The following HUWE1 variants were observed in gnomAD, a reference collection of about 807,000 sequenced individuals.
HUWE1 encodes HECT, UBA and WWE domain containing E3 ubiquitin protein ligase 1, also known as E3 ubiquitin-protein ligase HUWE1.
HUWE1 carries 18 observed loss-of-function variants against 299.4 expected under a neutral mutation model. That is an observed-to-expected ratio of 0.06 (90% CI 0.04 to 0.09). The LOEUF (loss-of-function observed/expected upper bound fraction) is 0.09. Among genes scored for constraint, HUWE1 ranks in the 10% least tolerant of loss-of-function variants. The pLI is 1.00. For missense variants in HUWE1, 1,832 were observed against 3,462.3 expected, an observed-to-expected ratio of 0.53 and a Z score of 11.82; for synonymous variants, 1,317 against 1,286.1, an observed-to-expected ratio of 1.02 and a Z score of -0.51.
At chrX:53,536,048 G>C (rs782148161) in intron 80 of HUWE1, 99 bp downstream of exon 80, 405 of 493,128 alleles carry the variant, frequency 8.2e-4, no homozygotes, top group Non-Finnish European at 1.2e-3. Context: ...TGCTTCCTTA[G>C]AACTATGAGA....
rs782276625 is a variant in HUWE1 at position 53,586,882 on chromosome X, C to A, written c.4642G>T (p.Val1548Phe). Reference sequence around the variant, plus strand: ...ACATTAAGGATGCCACTTGATTCAACCACCCAAGCACAAGGTAGCTTCAAC... The same window carrying A: ...ACATTAAGGATGCCACTTGATTCAAACACCCAAGCACAAGGTAGCTTCAAC... The part of the protein sequence containing the change: ...EELKLPCAWV[V>F]ESSGILNVLI... Residue 1548 changes from valine (V) to phenylalanine (F), a missense_variant, in exon 38 of 84, where the codon GTT becomes TTT. Physicochemically the swap from Val to Phe is conservative, Grantham distance 50. This residue lies in a region of HUWE1 where 658 missense variants were observed against 1,282.6 expected (regional missense o/e 0.51). Coordinates refer to ENST00000262854, the MANE Select transcript of HUWE1 (RefSeq NM_031407.7). The A allele has an allele frequency of 8.3e-7, 1 of 1,211,209 alleles. No homozygotes were observed. The highest frequency in any genetic ancestry group is 1.1e-6 in the Non-Finnish European group (1 of 895,105).
intron 37 of HUWE1, 66 bp downstream of exon 37, chrX:53,588,316 T>TA: frequency 9.1e-7 from 1 of 1,095,953 alleles, no homozygotes; most frequent in Non-Finnish European, 1.2e-6. Flanking sequence ...CAATGCCTCA[T>TA]ATATGTTAAG....
intron 29 of HUWE1, among the ~76,000 whole-genome samples, chrX:53,598,164 A>C (rs1331277123): frequency 3.6e-5 from 4 of 111,895 alleles, no homozygotes; most frequent in Non-Finnish European, 5.6e-5. Flanking sequence ...ATGAGGAAGA[A>C]GATGTAGAAG....
chrX:53,534,808 C>T (rs1031576382), intron 81 of HUWE1, 111 bp from the exon 82 acceptor site: 14 of 635,915 alleles, frequency 2.2e-5, no homozygotes, highest in South Asian at 5.4e-5. Flanking sequence ...TACAGGCATG[C>T]ACCACCACAA....
chrX:53,602,580 C>T lies in HUWE1; in HGVS notation c.2955G>A (p.Gln985=). The T allele has an allele frequency of 8.5e-7, 1 of 1,176,124 alleles. No individual in the cohort carries two copies. Among genetic ancestry groups the T allele is most frequent in the East Asian group, 3.0e-5 (1 of 33,667 alleles). ...TAGAGTTACCTGATCTTTTTCCGCCCTGGGTCGTACCTGCCTTCTCATCCT... is the reference window on the plus strand; with the variant it reads ...TAGAGTTACCTGATCTTTTTCCGCCTTGGGTCGTACCTGCCTTCTCATCCT... ...VPKDEKAGTT[Q]GGKRSDGEQD... is the part of the protein sequence containing the mutation. The change falls in exon 28 of 84, where the codon CAG becomes CAA. Residue 985 remains glutamine (Q), a synonymous_variant. Coordinates refer to ENST00000262854, the MANE Select transcript of HUWE1 (RefSeq NM_031407.7).
At position 53,575,593 on chromosome X, in the gene HUWE1, A is replaced by G. The variant is rs782635343; in HGVS notation, c.6030+50T>C. On this transcript the variant is annotated intron_variant, in intron 45 of 83. Coordinates refer to ENST00000262854, the MANE Select transcript of HUWE1 (RefSeq NM_031407.7). ...ATAGCCCTAAATACTGAGACCACAC[A>G]GGCATTGAAAAATGAGAAGAAAGAT... 3.5e-6 allele frequency: 4 copies of G among 1,135,221 alleles called. No individual in the cohort carries two copies. In the East Asian group the frequency reaches 1.2e-4, roughly 34 times the overall value. The allele number at this position is 1,135,221 out of a possible 1,213,427, so 93.6% of individuals were successfully genotyped here.
chrX:53,640,462 G>A (rs1235767173), intron 7 of HUWE1, among the ~76,000 whole-genome samples: 8 of 111,868 alleles, frequency 7.2e-5, no homozygotes, highest in Non-Finnish European at 7.5e-5. Context: ...ATTTTAATGA[G>A]GGATATTAGT....
At chrX:53,625,470 T>C (rs2066423621) in intron 17 of HUWE1, 1 of 347,018 alleles carries the variant, frequency 2.9e-6, no homozygotes, top group East Asian at 4.7e-5. Context: ...ATACTAAAAG[T>C]CTAAAGTAAA....
intron 7 of HUWE1, among the ~76,000 whole-genome samples, chrX:53,636,762 C>T (rs782060613): frequency 3.6e-5 from 4 of 111,727 alleles, no homozygotes; most frequent in South Asian, 7.4e-4. Flanking sequence ...CAAATAGTCA[C>T]GTATTAAAGA....
chrX:53,565,094 C>T lies in HUWE1; in HGVS notation c.6853G>A (p.Asp2285Asn). ...SEQDAQGASQ[D>N]SSSNQQDPGE... ...GGGTCCTGCTGGTTGCTACTGGAAT[C>T]TTGAGAGGCTCCTTGGGCATCCTGC... Residue 2285 changes from aspartate (D) to asparagine (N), a missense_variant, in exon 50 of 84, where the codon GAT becomes AAT. Asp to Asn is a conservative substitution (Grantham distance 23, BLOSUM62 1). Transcript: ENST00000262854. 1 of 1,211,774 alleles carries T rather than the reference C, an allele frequency of 8.3e-7. No homozygotes were observed. Among genetic ancestry groups the T allele is most frequent in the Non-Finnish European group, 1.1e-6 (1 of 895,444 alleles).
chrX:53,543,774 A>G, intron 73 of HUWE1, 67 bp downstream of exon 73: 1 of 1,206,050 alleles, frequency 8.3e-7, no homozygotes, highest in Admixed American at 2.2e-5. Flanking sequence ...ATGAAACCCC[A>G]CTGATGACAT....
chrX:53,633,410 T>C (rs905447371), intron 8 of HUWE1, among the ~76,000 whole-genome samples: 7 of 112,595 alleles, frequency 6.2e-5, no homozygotes, highest in Admixed American at 5.6e-4. Context: ...ATTTATGTAG[T>C]TTTGATTATT....
chrX:53,533,187 C>T lies in HUWE1; in HGVS notation c.*122G>A, dbSNP rs782203185. 1.8e-4 allele frequency: 92 copies of T among 510,606 alleles called. No individual in the cohort carries two copies. The highest frequency in any genetic ancestry group is 1.7e-3 in the Middle Eastern group (5 of 2,942). The allele number at this position is 510,606 out of a possible 1,213,427, so 42.1% of individuals were successfully genotyped here. A position where few individuals can be genotyped will look rare whatever the true frequency, so the allele number is the denominator to read the frequency against. The stretch of plus-strand genomic sequence containing the variant: ...GAAGATGGGGCAGCTGGGACACACA[C>T]GGTGAGTTGGTGGATTTCATTTATT... On this transcript the variant is annotated 3_prime_UTR_variant, in exon 84 of 84. Coordinates refer to ENST00000262854, the MANE Select transcript of HUWE1 (RefSeq NM_031407.7).
chrX:53,605,351 C>T (rs1347159843), intron 25 of HUWE1, among the ~76,000 whole-genome samples: 1 of 112,133 alleles, frequency 8.9e-6, no homozygotes, highest in Non-Finnish European at 1.9e-5. Context: ...CCATCACTTG[C>T]CATGCAAAGA....
chrX:53,663,340 C>A (rs2069099247), intron 3 of HUWE1, among the ~76,000 whole-genome samples: 1 of 112,067 alleles, frequency 8.9e-6, no homozygotes, highest in Non-Finnish European at 1.9e-5. Context: ...TGGTGAAACC[C>A]CGTCTCTACT....
chrX:53,566,133 GTATATATATA>G (rs71830310), intron 49 of HUWE1, among the ~76,000 whole-genome samples: 9 of 38,973 alleles, frequency 2.3e-4, no homozygotes, highest in East Asian at 1.5e-3. Context: ...GTGTGTGTGT[GTATATATATA>G]TATATATATA....
At position 53,680,108 on chromosome X, in the gene HUWE1, C is replaced by T; in HGVS notation, c.-84G>A. 3.4e-6 allele frequency: 1 copy of T among 297,309 alleles called. No individual in the cohort carries two copies. The allele number at this position is 297,309 out of a possible 1,213,427, so 24.5% of individuals were successfully genotyped here. A position where few individuals can be genotyped will look rare whatever the true frequency, so the allele number is the denominator to read the frequency against. On this transcript the variant is annotated 5_prime_UTR_variant, in exon 3 of 84. Transcript: ENST00000262854. The stretch of plus-strand genomic sequence containing the variant: ...GAAATTCCCCACACTGCTCCAACAG[C>T]TTCCCGAACCTTCCTGACCAAGTTG...
At position 53,548,909 on chromosome X, in the gene HUWE1, C is replaced by G. The variant is rs371520121; in HGVS notation, c.10035+50G>C. Reference sequence around the variant, plus strand: ...TTAGTGTTCAACTTTCACCCAGGCTCTTGCTGCCACCCTTCTTCCATCCCC... The same window carrying G: ...TTAGTGTTCAACTTTCACCCAGGCTGTTGCTGCCACCCTTCTTCCATCCCC... On this transcript the variant is annotated intron_variant, in intron 67 of 83. Transcript: ENST00000262854. 6.4e-6 allele frequency: 7 copies of G among 1,089,245 alleles called. No individual in the cohort carries two copies. In the African/African-American group the frequency reaches 1.3e-4, roughly 20 times the overall value. The allele number at this position is 1,089,245 out of a possible 1,213,427, so 89.8% of individuals were successfully genotyped here. A position where few individuals can be genotyped will look rare whatever the true frequency, so the allele number is the denominator to read the frequency against.
At position 53,538,381 on chromosome X, in the gene HUWE1, G is replaced by A. The variant is rs782591385; in HGVS notation, c.11952C>T (p.Val3984=). ...CGAGGACACGAATGTAGTCTACCAG[G>A]ACAGCAAAAGGCCCATCAGCAAGGT... ...TTHLADGPFA[V]LVDYIRVLDF... is the part of the protein sequence containing the mutation. Residue 3984 remains valine (V), a synonymous_variant, in exon 77 of 84, where the codon GTC becomes GTT. Coordinates refer to ENST00000262854, the MANE Select transcript of HUWE1 (RefSeq NM_031407.7). 7 of 1,207,086 alleles carry A rather than the reference G, an allele frequency of 5.8e-6. No homozygotes were observed. In the African/African-American group the frequency reaches 7.0e-5, roughly 12 times the overall value.
Sources: allele counts gnomAD v4.1 joint callset (sites outside exome capture counted in the v4.1 genomes callset), GRCh38; gene constraint gnomAD v4.1.1; regional missense constraint gnomAD v4.1.1; transcripts MANE v1.5; gene names NCBI Gene and HGNC (gene_info 2026-07-23, HGNC 2026-07-21).